Variants in DCDC1 observed in about 807,000 individuals in gnomAD.
The protein encoded by DCDC1 is doublecortin domain-containing protein 1.
A neutral mutation model predicts 178.3 loss-of-function variants in DCDC1; 200 were observed. The ratio of observed to expected loss-of-function variants is 1.12; its 90% CI spans 1.00 to 1.26. The LOEUF is 1.26. Ranked by LOEUF, DCDC1 falls within the 50% of genes most tolerant of loss-of-function variation. The pLI, the probability that DCDC1 is intolerant of heterozygous loss-of-function variation, is 0.00. For missense variants in DCDC1, 1,983 were observed against 1,749.2 expected, an observed-to-expected ratio of 1.13 and a Z score of -2.38; for synonymous variants, 690 against 604.8, an observed-to-expected ratio of 1.14 and a Z score of -2.07.
chr11:31,058,762 C>G (rs1208489406), intron 20 of DCDC1, among the ~76,000 whole-genome samples: 2 of 152,010 alleles, frequency 1.3e-5, no homozygotes, highest in Admixed American at 6.6e-5. Context: ...TGTAGGAGGA[C>G]AAAGGTTGAA....
chr11:31,241,115 T>C (rs1005072513), intron 9 of DCDC1, among the ~76,000 whole-genome samples: 6 of 152,044 alleles, frequency 3.9e-5, no homozygotes, highest in Non-Finnish European at 5.9e-5. Flanking sequence ...ATGCTAAACA[T>C]TTCAACCTTC....
chr11:31,327,390 A>G (rs2861449), intron 3 of DCDC1, among the ~76,000 whole-genome samples: 106,586 of 151,806 alleles, frequency 0.7, 38,650 homozygotes, highest in African/African-American at 0.88. Flanking sequence ...GGCTGGTCTC[A>G]AACTCCCGAC....
intron 11 of DCDC1, among the ~76,000 whole-genome samples, chr11:31,118,770 T>G (rs892395628): frequency 2.0e-5 from 3 of 152,216 alleles, no homozygotes; most frequent in Admixed American, 2.0e-4. Flanking sequence ...ACTGCCCACC[T>G]GGCAATTCTC....
At chr11:30,956,265 G>A (rs1362409160) in intron 20 of DCDC1, among the ~76,000 whole-genome samples, 1 of 152,020 alleles carries the variant, frequency 6.6e-6, no homozygotes, top group African/African-American at 2.4e-5. Context: ...CAAAGTCTTG[G>A]CCTCAGGTAA....
intron 18 of DCDC1, among the ~76,000 whole-genome samples, chr11:31,065,971 T>C (rs557092892): frequency 6.6e-6 from 1 of 152,258 alleles, no homozygotes; most frequent in African/African-American, 2.4e-5. Flanking sequence ...ATTCTGGTTC[T>C]TGTAACTACA....
At chr11:31,070,382 T>G (rs1380239306) in intron 18 of DCDC1, among the ~76,000 whole-genome samples, 1 of 152,216 alleles carries the variant, frequency 6.6e-6, no homozygotes, top group Non-Finnish European at 1.5e-5. Flanking sequence ...TCTAATATCT[T>G]AAGCCCTCAT....
At chr11:30,961,370 A>G (rs1949086539) in intron 20 of DCDC1, among the ~76,000 whole-genome samples, 1 of 152,094 alleles carries the variant, frequency 6.6e-6, no homozygotes, top group Non-Finnish European at 1.5e-5. Context: ...AAAATTAGAC[A>G]ATATATCATT....
intron 20 of DCDC1, among the ~76,000 whole-genome samples, chr11:30,996,086 T>A (rs1375632644): frequency 6.6e-6 from 1 of 151,920 alleles, no homozygotes; most frequent in Non-Finnish European, 1.5e-5. Context: ...ACAACCCAAT[T>A]TTAAAAAGGG....
chr11:31,147,726 T>C (rs569412352), intron 9 of DCDC1, among the ~76,000 whole-genome samples: 22 of 152,274 alleles, frequency 1.4e-4, no homozygotes, highest in Admixed American at 2.6e-4. Context: ...TTGCAATCAA[T>C]GGGAGCTGAT....
intron 23 of DCDC1, among the ~76,000 whole-genome samples, chr11:30,924,893 T>A (rs1281447034): frequency 6.6e-6 from 1 of 151,936 alleles, no homozygotes; most frequent in Non-Finnish European, 1.5e-5. Context: ...AGCAACATGT[T>A]GAAATCCATC....
At chr11:31,142,484 GTGTA>G (rs1025159050) in intron 9 of DCDC1, among the ~76,000 whole-genome samples, 16 of 100,456 alleles carry the variant, frequency 1.6e-4, no homozygotes, top group African/African-American at 5.4e-4. Context: ...ATGTGTGTGT[GTGTA>G]TGTGTGTGTG....
At chr11:30,867,673 C>T (rs749310176) in intron 38 of DCDC1, among the ~76,000 whole-genome samples, 1 of 152,176 alleles carries the variant, frequency 6.6e-6, no homozygotes, top group Non-Finnish European at 1.5e-5. Flanking sequence ...TATGACCTCC[C>T]TCTGTTGCTC....
At chr11:31,014,441 A>T (rs1480868806) in intron 20 of DCDC1, among the ~76,000 whole-genome samples, 1 of 152,144 alleles carries the variant, frequency 6.6e-6, no homozygotes, top group Admixed American at 6.5e-5. Context: ...AAGCATTCAG[A>T]TGACAGAAAC....
intron 27 of DCDC1, 21 bp from the exon 28 acceptor site, chr11:30,911,441 C>T (rs1945442100): frequency 6.4e-7 from 1 of 1,569,850 alleles, no homozygotes; most frequent in African/African-American, 1.4e-5. Flanking sequence ...CAGGATTAGC[C>T]ACATTACAAA....
At chr11:31,117,971 G>A (rs900110401) in intron 11 of DCDC1, among the ~76,000 whole-genome samples, 2 of 152,118 alleles carry the variant, frequency 1.3e-5, no homozygotes, top group Non-Finnish European at 2.9e-5. Context: ...GTCAGTAGCT[G>A]AGTATGATGT....
intron 34 of DCDC1, 23 bp from the exon 35 acceptor site, chr11:30,894,407 AT>A: frequency 1.2e-6 from 2 of 1,603,796 alleles, no homozygotes; most frequent in Non-Finnish European, 1.7e-6. Flanking sequence ...GTCTCTAGAA[AT>A]TTTGTTTCTG....
chr11:31,226,568 G>GT (rs1974980156), intron 9 of DCDC1, among the ~76,000 whole-genome samples: 1 of 151,724 alleles, frequency 6.6e-6, no homozygotes, highest in African/African-American at 2.4e-5. Flanking sequence ...ATGTACTAAG[G>GT]TAAGAATACT....
intron 9 of DCDC1, among the ~76,000 whole-genome samples, chr11:31,142,239 T>G (rs1963908062): frequency 6.6e-6 from 1 of 152,178 alleles, no homozygotes; most frequent in Non-Finnish European, 1.5e-5. Context: ...CAAAAAATAT[T>G]TGGTAAAAGA....
rs576069828 is a variant in DCDC1, at chr11:31,044,849, G to A, written c.2591+19620C>T. Among the ~76,000 whole-genome samples the A allele has an allele frequency of 1.3e-4, 20 of 152,288 alleles. No homozygotes were observed. The East Asian group carries it at 3.7e-3, about 28-fold the overall frequency. On this transcript the variant is annotated intron_variant, in intron 20 of 38. Transcript: ENST00000684477. ...TAATAAATGGCCATTGTTTTAAACT[G>A]CTATGTTTGTGGTACCTTGTTACCC...
Sources: allele counts gnomAD v4.1 joint callset (sites outside exome capture counted in the v4.1 genomes callset), GRCh38; gene constraint gnomAD v4.1.1; transcripts MANE v1.5; gene names NCBI Gene and HGNC (gene_info 2026-07-23, HGNC 2026-07-21).